The following ACAP2 variants were observed in gnomAD, a reference collection of about 807,000 sequenced individuals.
ACAP2 encodes arf-GAP with coiled-coil, ANK repeat and PH domain-containing protein 2.
In ACAP2, 39 loss-of-function variants were observed where a neutral mutation model predicts 115.8. The observed-to-expected ratio is 0.34, with a 90% confidence interval of 0.26 to 0.44. ACAP2 has a LOEUF of 0.44. Among genes scored for constraint, ACAP2 ranks in the 20% least tolerant of loss-of-function variants. The probability of loss-of-function intolerance (pLI) is 1.00; values close to 1 mark genes in which losing one functional copy is unlikely to be tolerated. For synonymous variants in ACAP2, 289 were observed against 315.8 expected (o/e 0.92, Z 0.90); for missense variants, 662 against 927.6 (o/e 0.71, Z 3.72).
At chr3:195,310,282 A>C (rs547845733) in intron 10 of ACAP2, among the ~76,000 whole-genome samples, 1 of 152,358 alleles carries the variant, frequency 6.6e-6, no homozygotes, top group African/African-American at 2.4e-5. Context: ...ACATTTGTTA[A>C]ATAAGCATCT....
chr3:195,372,848 C>A, intron 4 of ACAP2, among the ~76,000 whole-genome samples: 1 of 151,924 alleles, frequency 6.6e-6, no homozygotes, highest in East Asian at 1.9e-4. Context: ...TATAGTACCT[C>A]GGAAGAGCAC....
chr3:195,417,054 G>A (rs896211229), intron 1 of ACAP2, among the ~76,000 whole-genome samples: 1 of 148,946 alleles, frequency 6.7e-6, no homozygotes, highest in African/African-American at 2.5e-5. Flanking sequence ...TGGGACTACA[G>A]CTGGGCATCA....
intron 8 of ACAP2, among the ~76,000 whole-genome samples, chr3:195,329,986 T>C (rs1730059006): frequency 6.6e-6 from 1 of 152,112 alleles, no homozygotes; most frequent in South Asian, 2.1e-4. Context: ...TCTTCATGTA[T>C]GGTGTCTAGG....
chr3:195,292,585 C>T, intron 18 of ACAP2, 133 bp from the exon 19 acceptor site: 1 of 813,352 alleles, frequency 1.2e-6, no homozygotes, highest in East Asian at 2.7e-5. Flanking sequence ...AGATAGCACA[C>T]TAATGGGAAT....
chr3:195,374,705 C>A (rs942630704), intron 4 of ACAP2, among the ~76,000 whole-genome samples: 1 of 150,918 alleles, frequency 6.6e-6, no homozygotes, highest in Admixed American at 6.6e-5. Flanking sequence ...ATGCAGAAGA[C>A]CTTTTCTTTT....
intron 10 of ACAP2, among the ~76,000 whole-genome samples, 159 bp from the exon 11 acceptor site, chr3:195,308,996 T>C (rs1365925514): frequency 3.8e-5 from 3 of 79,686 alleles, no homozygotes; most frequent in Non-Finnish European, 7.5e-5. Flanking sequence ...GATTCTAACA[T>C]GGGAAAACTA....
At chr3:195,366,831 A>T (rs1006740178) in intron 4 of ACAP2, among the ~76,000 whole-genome samples, 1 of 152,194 alleles carries the variant, frequency 6.6e-6, no homozygotes, top group African/African-American at 2.4e-5. Context: ...TGGCAGATAC[A>T]GTCTCCGTAA....
intron 4 of ACAP2, among the ~76,000 whole-genome samples, chr3:195,372,502 G>C (rs1733221198): frequency 6.6e-6 from 1 of 152,144 alleles, no homozygotes; most frequent in Non-Finnish European, 1.5e-5. Flanking sequence ...AGCGACCTGG[G>C]CAACACAGTG....
At chr3:195,363,104 G>A (rs1000287773) in intron 4 of ACAP2, among the ~76,000 whole-genome samples, 4 of 152,078 alleles carry the variant, frequency 2.6e-5, no homozygotes, top group Non-Finnish European at 4.4e-5. Flanking sequence ...TAAAGCTGCA[G>A]GATACAAAAT....
intron 4 of ACAP2, among the ~76,000 whole-genome samples, chr3:195,350,385 T>C (rs1460856950): frequency 6.6e-6 from 1 of 152,060 alleles, no homozygotes; most frequent in Admixed American, 6.6e-5. Flanking sequence ...AAAGTCTGGG[T>C]ACAGTGGCTC....
intron 22 of ACAP2, among the ~76,000 whole-genome samples, chr3:195,281,181 G>A (rs1041114996): frequency 6.6e-6 from 1 of 152,128 alleles, no homozygotes; most frequent in African/African-American, 2.4e-5. Context: ...CGAGACGGGC[G>A]GATCACGAGG....
chr3:195,335,874 C>T (rs1239582404), intron 7 of ACAP2: 1 of 149,684 alleles, frequency 6.7e-6, no homozygotes, highest in Non-Finnish European at 1.5e-5. Context: ...CCACATCATG[C>T]CCTGCCCACT....
intron 4 of ACAP2, among the ~76,000 whole-genome samples, chr3:195,355,338 GCTAA>G (rs1323218652): frequency 1.4e-5 from 2 of 142,678 alleles, no homozygotes; most frequent in African/African-American, 5.3e-5. Flanking sequence ...CTCATGGACA[GCTAA>G]CTCTTTTCTA....
intron 1 of ACAP2, among the ~76,000 whole-genome samples, chr3:195,437,222 TTG>T (rs1021003276): frequency 6.6e-6 from 1 of 151,950 alleles, no homozygotes; most frequent in Non-Finnish European, 1.5e-5. Flanking sequence ...TTTTTTTTTT[TTG>T]TAAAGACAGG....
intron 10 of ACAP2, among the ~76,000 whole-genome samples, chr3:195,319,497 G>A (rs7653406): frequency 0.24 from 36,481 of 152,172 alleles, 5,115 homozygotes; most frequent in East Asian, 0.71. Flanking sequence ...AGTTGCCTAA[G>A]GCCATGGGAA....
chr3:195,365,980 T>C (rs1463620072), intron 4 of ACAP2, among the ~76,000 whole-genome samples: 1 of 152,062 alleles, frequency 6.6e-6, no homozygotes, highest in Non-Finnish European at 1.5e-5. Flanking sequence ...TAGCTGGGAT[T>C]ACAGGCACGC....
intron 4 of ACAP2, among the ~76,000 whole-genome samples, chr3:195,378,024 G>C (rs773312470): frequency 4.2e-5 from 6 of 142,862 alleles, no homozygotes; most frequent in African/African-American, 5.0e-5. Context: ...AGAGTATGAG[G>C]TTTCTCAAGT....
intron 1 of ACAP2, among the ~76,000 whole-genome samples, chr3:195,429,702 G>T (rs555435879): frequency 5.9e-5 from 9 of 152,194 alleles, no homozygotes; most frequent in Non-Finnish European, 1.2e-4. Flanking sequence ...CTATGAACAC[G>T]AATTAATACT....
rs533951098 is a variant in ACAP2 at position 195,350,758 on chromosome 3, A to C, written c.286-5441T>G. On this transcript the variant is annotated intron_variant, in intron 4 of 22. Coordinates refer to ENST00000326793, the MANE Select transcript of ACAP2 (RefSeq NM_012287.6). The stretch of plus-strand genomic sequence containing the variant: ...TTTTTTTTACAAAAGGTGCCAATAA[A>C]GATGGGAAAATGTACAGAGCAAGCT... Among the ~76,000 whole-genome samples the C allele has an allele frequency of 8.5e-5, 13 of 152,224 alleles. 1 individual carries two copies. The East Asian group carries it at 2.3e-3, about 27-fold the overall frequency.
Sources: gnomAD v4.1 joint callset for allele counts (sites outside exome capture counted in the v4.1 genomes callset) on GRCh38, gnomAD v4.1.1 for gene constraint, MANE v1.5 for transcripts, NCBI Gene and HGNC (gene_info 2026-07-23, HGNC 2026-07-21) for gene names.